The following FGF14 variants were observed in gnomAD, a reference collection of about 807,000 sequenced individuals.
The protein encoded by FGF14 is fibroblast growth factor homologous factor 4.
A neutral mutation model predicts 25.5 loss-of-function variants in FGF14; 5 were observed. The ratio of observed to expected loss-of-function variants is 0.20; its 90% CI spans 0.10 to 0.41. FGF14 has a LOEUF of 0.41. Among genes scored for constraint, FGF14 ranks in the 10% least tolerant of loss-of-function variants. FGF14 has a pLI of 1.00. For synonymous variants in FGF14, 138 were observed against 118.3 expected, an observed-to-expected ratio of 1.17 and a Z score of -1.08; for missense variants, 222 against 320.1, an observed-to-expected ratio of 0.69 and a Z score of 2.34.
chr13:102,352,477 A>C, intron 1 of FGF14, among the ~76,000 whole-genome samples: 1 of 152,204 alleles, frequency 6.6e-6, no homozygotes. Flanking sequence ...CAAGTCCATC[A>C]TTAGCCATCA....
chr13:101,839,926 G>A (rs2043114682), intron 3 of FGF14, among the ~76,000 whole-genome samples: 1 of 151,988 alleles, frequency 6.6e-6, no homozygotes, highest in Admixed American at 6.6e-5. Context: ...GGAGAACCGA[G>A]CTAGGAGAAA....
chr13:102,036,215 T>C (rs2041465554), intron 1 of FGF14, among the ~76,000 whole-genome samples: 2 of 152,116 alleles, frequency 1.3e-5, no homozygotes, highest in Admixed American at 6.6e-5. Context: ...TTTAAAGATA[T>C]GTCCATCACA....
chr13:102,031,420 G>C (rs9585834), intron 1 of FGF14, among the ~76,000 whole-genome samples: 1 of 151,968 alleles, frequency 6.6e-6, no homozygotes, highest in African/African-American at 2.4e-5. Context: ...GCCCACATTC[G>C]TACAGCTAGT....
intron 1 of FGF14, among the ~76,000 whole-genome samples, chr13:101,983,364 A>T (rs2038378734): frequency 6.6e-6 from 1 of 152,140 alleles, no homozygotes; most frequent in South Asian, 2.1e-4. Context: ...TTCGTTTACT[A>T]TTAAAATACT....
intron 1 of FGF14, among the ~76,000 whole-genome samples, chr13:102,073,210 C>A (rs931648682): frequency 6.6e-6 from 1 of 152,112 alleles, no homozygotes; most frequent in Non-Finnish European, 1.5e-5. Flanking sequence ...TGAGATCATG[C>A]CACTGCACTC....
intron 1 of FGF14, among the ~76,000 whole-genome samples, chr13:102,201,684 A>G (rs563594522): frequency 4.6e-5 from 7 of 152,240 alleles, no homozygotes; most frequent in East Asian, 1.9e-4. Flanking sequence ...TGAAGAAGAT[A>G]GCAGAGGGAA....
intron 1 of FGF14, among the ~76,000 whole-genome samples, chr13:102,365,151 C>G (rs1301010200): frequency 6.6e-6 from 1 of 152,092 alleles, no homozygotes; most frequent in African/African-American, 2.4e-5. Flanking sequence ...AGGCAGTCAC[C>G]AGGGAGAAAC....
chr13:101,805,816 G>A (rs2041162893), intron 3 of FGF14, among the ~76,000 whole-genome samples: 1 of 151,756 alleles, frequency 6.6e-6, no homozygotes. Context: ...TACCACCCAA[G>A]TCAAAAAACA....
intron 1 of FGF14, among the ~76,000 whole-genome samples, chr13:102,073,998 AAAG>A (rs1262516068): frequency 2.0e-5 from 3 of 152,122 alleles, no homozygotes; most frequent in African/African-American, 7.2e-5. Context: ...CAGTTTCATA[AAAG>A]AAGGAAGAGC....
intron 1 of FGF14, among the ~76,000 whole-genome samples, chr13:102,025,330 T>C (rs73565748): frequency 0.032 from 4,831 of 152,116 alleles, 247 homozygotes; most frequent in African/African-American, 0.11. Context: ...TCTTCTAGTC[T>C]GTAAACATGG....
intron 1 of FGF14, among the ~76,000 whole-genome samples, chr13:101,883,583 AG>A (rs762708302): frequency 7.3e-4 from 110 of 150,780 alleles, no homozygotes; most frequent in Non-Finnish European, 1.3e-3. Flanking sequence ...TAAAACAATG[AG>A]GCTGTATAAA....
At chr13:101,781,774 TAG>T (rs1375293964) in intron 3 of FGF14, among the ~76,000 whole-genome samples, 3 of 152,188 alleles carry the variant, frequency 2.0e-5, no homozygotes, top group African/African-American at 7.2e-5. Flanking sequence ...TAAAGAAGCT[TAG>T]AGAGTTTACA....
intron 3 of FGF14, among the ~76,000 whole-genome samples, chr13:101,762,730 C>T (rs2038108521): frequency 6.6e-6 from 1 of 152,282 alleles, no homozygotes; most frequent in East Asian, 1.9e-4. Context: ...CTTTACACTT[C>T]AGTATTAAAT....
chr13:101,975,108 A>T (rs4772433), intron 1 of FGF14, among the ~76,000 whole-genome samples: 52,856 of 151,884 alleles, frequency 0.35, 9,726 homozygotes, highest in East Asian at 0.71. Flanking sequence ...GGCTGTTCAC[A>T]TTCCATGACG....
intron 3 of FGF14, among the ~76,000 whole-genome samples, chr13:101,809,176 A>T (rs1188373919): frequency 6.6e-6 from 1 of 152,156 alleles, no homozygotes; most frequent in African/African-American, 2.4e-5. Flanking sequence ...TATGTTTTAC[A>T]ATAACATAAT....
At chr13:101,865,799 C>T (rs1472146031) in intron 3 of FGF14, among the ~76,000 whole-genome samples, 1 of 152,112 alleles carries the variant, frequency 6.6e-6, no homozygotes, top group African/African-American at 2.4e-5. Context: ...TTGACTACTT[C>T]TAAACCTATG....
intron 1 of FGF14, among the ~76,000 whole-genome samples, chr13:102,183,461 T>C (rs902298095): frequency 1.6e-4 from 24 of 152,168 alleles, no homozygotes; most frequent in African/African-American, 5.8e-4. Context: ...CCATATAGAC[T>C]AGTTAACCCT....
chr13:102,276,353 G>GTATATATATATATA (rs10574334), intron 1 of FGF14, among the ~76,000 whole-genome samples: 1 of 103,296 alleles, frequency 9.7e-6, no homozygotes, highest in African/African-American at 3.8e-5. Context: ...GTGTGTGTGT[G>GTATATATATATATA]TATATATATA....
At chr13:101,866,490 G>A (rs535780390) in intron 3 of FGF14, among the ~76,000 whole-genome samples, 2 of 152,112 alleles carry the variant, frequency 1.3e-5, no homozygotes, top group South Asian at 4.1e-4. Flanking sequence ...GCTTATAAAA[G>A]GTTATTGGGA....
Sources: allele counts gnomAD v4.1 joint callset (sites outside exome capture counted in the v4.1 genomes callset), GRCh38; gene constraint gnomAD v4.1.1; transcripts MANE v1.5; gene names NCBI Gene and HGNC (gene_info 2026-07-23, HGNC 2026-07-21).